GFUS: variants seen among roughly 807,000 people sequenced by gnomAD.
GFUS encodes GDP-L-fucose synthase.
Under a neutral mutation model 41.5 loss-of-function variants are expected in GFUS, and 42 were observed. The observed-to-expected ratio is 1.01, with a 90% CI of 0.79 to 1.31. The LOEUF is 1.31. Ranked by LOEUF, GFUS falls within the 50% of genes most tolerant of loss-of-function variation. The probability of loss-of-function intolerance (pLI) is 0.00; values close to 1 mark genes in which losing one functional copy is unlikely to be tolerated. For synonymous variants in GFUS, 188 were observed against 173.4 expected, an observed-to-expected ratio of 1.08 and a Z score of -0.66; for missense variants, 437 against 428.7, an observed-to-expected ratio of 1.02 and a Z score of -0.17.
chr8:143,614,083 C>T, intron 7 of GFUS, 81 bp downstream of exon 7: 1 of 1,574,242 alleles, frequency 6.4e-7, no homozygotes, highest in Non-Finnish European at 8.6e-7. Flanking sequence ...CCTGCACCAC[C>T]TCCCCGACAG....
chr8:143,613,053 A>G (rs1829616577), intron 10 of GFUS, 88 bp from the exon 11 acceptor site: 4 of 1,573,624 alleles, frequency 2.5e-6, no homozygotes, highest in East Asian at 2.3e-5. Context: ...GGGACAGGGA[A>G]GTCACCCCTC....
At chr8:143,614,043 C>A in intron 7 of GFUS, 121 bp downstream of exon 7, 2 of 1,401,292 alleles carry the variant, frequency 1.4e-6, no homozygotes, top group South Asian at 1.3e-5. Flanking sequence ...TGGAGCTCAG[C>A]CCAGATTCTC....
chr8:143,614,419 C>A lies in GFUS; in HGVS notation c.499G>T (p.Ala167Ser). 2 of 1,613,746 alleles carry A rather than the reference C, an allele frequency of 1.2e-6. No individual in the cohort carries two copies. The highest frequency in any genetic ancestry group is 1.7e-6 in the Non-Finnish European group (2 of 1,179,932). Residue 167 changes from alanine (A) to serine (S), a missense_variant, in exon 6 of 11, where the codon GCT (alanine) becomes TCT (serine). Coordinates refer to ENST00000425753, the MANE Select transcript of GFUS (RefSeq NM_003313.4). ...CCGAAGACGTTGGTGGGGATGACAG[C>A]GGTGAAGGTGCAGCCGTACTGCTGG... is the stretch of plus-strand genomic sequence containing the variant. ...YFQQYGCTFT[A>S]VIPTNVFGPH... is the part of the protein sequence containing the mutation.
intron 3 of GFUS, 100 bp downstream of exon 3, chr8:143,616,005 TG>T (rs1829715137): frequency 9.9e-7 from 1 of 1,010,174 alleles, no homozygotes; most frequent in Non-Finnish European, 1.5e-6. Context: ...AGGGACTTCC[TG>T]GGGTGGGAAT....
chr8:143,616,482 G>A (rs1366090298), intron 2 of GFUS, 85 bp downstream of exon 2: 1 of 1,594,660 alleles, frequency 6.3e-7, no homozygotes, highest in African/African-American at 1.3e-5. Context: ...GTTAGACTCA[G>A]CAACATGCCC....
At chr8:143,613,458 C>T (rs1029967883) in intron 9 of GFUS, 66 bp downstream of exon 9, 57 of 1,561,334 alleles carry the variant, frequency 3.7e-5, no homozygotes, top group Non-Finnish European at 4.3e-5. Flanking sequence ...TGGCCCTACA[C>T]CGGGTGGCCA....
At chr8:143,613,325 A>T in intron 9 of GFUS, 30 bp from the exon 10 acceptor site, 1 of 1,603,322 alleles carries the variant, frequency 6.2e-7, no homozygotes, top group Non-Finnish European at 8.5e-7. Context: ...CACAGCGAGA[A>T]GAGCACCTCC....
In GFUS at chr8:143,613,198, T is replaced by C; in HGVS notation, c.908A>G (p.Gln303Arg). The change falls in exon 10 of 11, where the codon CAG becomes CGG. Residue 303 changes from glutamine (Q) to arginine (R), a missense_variant and splice_region_variant. Gln to Arg is a conservative substitution (Grantham distance 43). Coordinates refer to ENST00000425753, the MANE Select transcript of GFUS (RefSeq NM_003313.4). Reference protein sequence around the residue: ...LPDFRFTPFKQAVKETCAWFT... With the variant: ...LPDFRFTPFKRAVKETCAWFT... ...AGGGCTGTGGGGTCAGGGCTCACCCTGCTTGAAGGGTGTGAACCGGAAGTC... is the reference window on the plus strand; with the variant it reads ...AGGGCTGTGGGGTCAGGGCTCACCCCGCTTGAAGGGTGTGAACCGGAAGTC... 1 of 1,613,850 alleles carries C rather than the reference T, an allele frequency of 6.2e-7. No individual in the cohort carries two copies. Among genetic ancestry groups the C allele is most frequent in the Non-Finnish European group, 8.5e-7 (1 of 1,179,942 alleles).
chr8:143,617,799 G>C (rs1368123716), upstream of GFUS: 1 of 152,158 alleles, frequency 6.6e-6, no homozygotes, highest in Admixed American at 6.5e-5. Context: ...AGGGCCAGCC[G>C]GCAGCGCCGC....
chr8:143,615,140 G>A (rs539662713), intron 3 of GFUS, among the ~76,000 whole-genome samples: 49 of 152,192 alleles, frequency 3.2e-4, no homozygotes, highest in African/African-American at 1.2e-3. Context: ...TCCACTATGA[G>A]GAGAACCACA....
At chr8:143,613,951 C>G in intron 7 of GFUS, 134 bp from the exon 8 acceptor site, 2 of 1,192,628 alleles carry the variant, frequency 1.7e-6, no homozygotes, top group East Asian at 5.1e-5. Flanking sequence ...CCTCCTTTCT[C>G]CCTTGGAGCT....
At chr8:143,616,259 C>G (rs1310444918) in intron 2 of GFUS, 39 bp from the exon 3 acceptor site, 2 of 1,588,958 alleles carry the variant, frequency 1.3e-6, no homozygotes, top group Non-Finnish European at 1.7e-6. Context: ...CTGGAGGGAA[C>G]CAGCACCCCA....
In GFUS at chr8:143,614,895, G is replaced by A. The variant is rs770957284; in HGVS notation, c.282C>T (p.Asn94=). The A allele has an allele frequency of 1.8e-5, 29 of 1,610,508 alleles. No individual in the cohort carries two copies. Among genetic ancestry groups the A allele is most frequent in the Admixed American group, 5.0e-5 (3 of 59,872 alleles). The part of the protein sequence containing the change: ...LDFWRKNVHM[N]DNVLHSAFEV... Reference sequence around the variant, plus strand: ...CAAAGGCCGAGTGCAGGACGTTGTCGTTCATGTGCACGTTTTTCCTCTGCA... The same window carrying A: ...CAAAGGCCGAGTGCAGGACGTTGTCATTCATGTGCACGTTTTTCCTCTGCA... The change falls in exon 4 of 11, where the codon AAC becomes AAT. Residue 94 remains asparagine (N), a synonymous_variant. Transcript: ENST00000425753.
upstream of GFUS, chr8:143,617,600 C>CG (rs578197080): frequency 1.1e-4 from 16 of 152,198 alleles, 1 homozygote; most frequent in South Asian, 1.5e-3. Context: ...AATGGAGTCC[C>CG]GGGGGCGCGC....
chr8:143,614,233 A>G lies in GFUS; in HGVS notation c.599-5T>C. ...CCGTCAGGGCCGAGCCGCTGCCTGC[A>G]GATTTGGGGAAGGAGCAGGTGTCAG... On this transcript the variant is annotated splice_region_variant and splice_polypyrimidine_tract_variant and intron_variant, in intron 6 of 10. Transcript: ENST00000425753. 6.2e-7 allele frequency: 1 copy of G among 1,613,756 alleles called. No individual in the cohort carries two copies. Among genetic ancestry groups the G allele is most frequent in the Non-Finnish European group, 8.5e-7 (1 of 1,179,998 alleles).
At chr8:143,615,968 A>G in intron 3 of GFUS, 138 bp downstream of exon 3, 1 of 712,526 alleles carries the variant, frequency 1.4e-6, no homozygotes. Context: ...GGCTGCCCCC[A>G]CCAGGCTGTG....
chr8:143,617,100 G>C (rs1829746922), intron 1 of GFUS: 1 of 241,090 alleles, frequency 4.1e-6, no homozygotes, highest in Non-Finnish European at 8.4e-6. Context: ...CGCATGCTAG[G>C]GACAGGCACG....
At chr8:143,613,380 G>A (rs1207178860) in intron 9 of GFUS, 85 bp from the exon 10 acceptor site, 1 of 1,503,492 alleles carries the variant, frequency 6.7e-7, no homozygotes, top group East Asian at 2.3e-5. Flanking sequence ...CCATTCCCAG[G>A]GGAGCCACAG....
chr8:143,615,574 G>A (rs1829705176), intron 3 of GFUS, among the ~76,000 whole-genome samples: 2 of 152,176 alleles, frequency 1.3e-5, no homozygotes, highest in South Asian at 2.1e-4. Flanking sequence ...AGCCAGCTAA[G>A]GCAAGGCTGC....
Sources: gnomAD v4.1 joint callset for allele counts (sites outside exome capture counted in the v4.1 genomes callset) on GRCh38, gnomAD v4.1.1 for gene constraint, MANE v1.5 for transcripts, NCBI Gene and HGNC (gene_info 2026-07-23, HGNC 2026-07-21) for gene names.